Variants in MTREX observed in about 807,000 individuals in gnomAD.
MTREX encodes Mtr4 exosome RNA helicase.
In MTREX, 76 loss-of-function variants were observed where a neutral mutation model predicts 135.4. The observed-to-expected ratio is 0.56, with a 90% CI of 0.47 to 0.68. The LOEUF (loss-of-function observed/expected upper bound fraction) is 0.68, where lower values mean the gene tolerates loss of function less well. Among genes scored for constraint, MTREX ranks in the 30% least tolerant of loss-of-function variants. MTREX has a pLI of 0.00. For missense variants in MTREX, 920 were observed against 1,262.1 expected (o/e 0.73, Z 4.11); for synonymous variants, 404 against 401.6 (o/e 1.01, Z -0.07).
chr5:55,350,630 A>G (rs552070145), intron 12 of MTREX, among the ~76,000 whole-genome samples: 115 of 152,330 alleles, frequency 7.5e-4, no homozygotes, highest in Admixed American at 2.6e-4. Context: ...CTCTGCCCCT[A>G]TAATGTGTAA....
intron 1 of MTREX, among the ~76,000 whole-genome samples, chr5:55,313,586 G>A (rs1041028724): frequency 6.6e-6 from 1 of 152,020 alleles, no homozygotes; most frequent in African/African-American, 2.4e-5. Context: ...AATATATTGT[G>A]GTAACAGTGA....
In MTREX at chr5:55,397,477, A is replaced by G; in HGVS notation, c.2243A>G (p.Lys748Arg). ...AGCAGTGTTAGGCTTTACATTCCTAAAGACCTTCGGCCGGTGGACAATAGA... is the reference window on the plus strand; with the variant it reads ...AGCAGTGTTAGGCTTTACATTCCTAGAGACCTTCGGCCGGTGGACAATAGA... ...AISSVRLYIPKDLRPVDNRQS... is the reference protein window; with the variant it reads ...AISSVRLYIPRDLRPVDNRQS... Residue 748 changes from lysine to arginine, a missense_variant, in exon 20 of 27, where the codon AAA becomes AGA. By Grantham distance (26) the Lys-to-Arg change is conservative. Around this residue, in one of 6 missense-constraint regions of MTREX, gnomAD observed 467 missense variants for 589.7 expected, o/e 0.79. Coordinates refer to ENST00000230640, the MANE Select transcript of MTREX (RefSeq NM_015360.5). 1 of 1,610,962 alleles carries G rather than the reference A, an allele frequency of 6.2e-7. No homozygotes were observed. Among genetic ancestry groups the G allele is most frequent in the Non-Finnish European group, 8.5e-7 (1 of 1,177,760 alleles).
intron 14 of MTREX, among the ~76,000 whole-genome samples, chr5:55,357,732 A>T (rs937854236): frequency 7.2e-5 from 11 of 152,274 alleles, no homozygotes; most frequent in African/African-American, 2.6e-4. Context: ...CAGTTTTTTT[A>T]AAAGAATCTG....
At chr5:55,387,376 T>G (rs1750496119) in intron 18 of MTREX, among the ~76,000 whole-genome samples, 1 of 152,118 alleles carries the variant, frequency 6.6e-6, no homozygotes, top group African/African-American at 2.4e-5. Context: ...TTTCCTTTTG[T>G]ATATTTTATG....
At chr5:55,378,633 A>C in intron 17 of MTREX, 147 bp downstream of exon 17, 1 of 985,700 alleles carries the variant, frequency 1.0e-6, no homozygotes. Flanking sequence ...TACCTGTTTC[A>C]CATGGCACTA....
At chr5:55,326,513 A>G (rs1270950632) in intron 3 of MTREX, among the ~76,000 whole-genome samples, 2 of 152,076 alleles carry the variant, frequency 1.3e-5, no homozygotes, top group Non-Finnish European at 1.5e-5. Context: ...ACTTCTTCCC[A>G]CTTTCTCAGC....
At chr5:55,366,194 A>G (rs1378640267) in intron 15 of MTREX, among the ~76,000 whole-genome samples, 1 of 152,190 alleles carries the variant, frequency 6.6e-6, no homozygotes, top group Non-Finnish European at 1.5e-5. Flanking sequence ...TAGGAAGACA[A>G]AAAGGAATTA....
intron 3 of MTREX, chr5:55,324,568 C>T (rs1749342644): frequency 6.6e-6 from 1 of 151,806 alleles, no homozygotes; most frequent in South Asian, 2.1e-4. Context: ...CTGCCTCAGC[C>T]TCCTGGGTAG....
intron 25 of MTREX, among the ~76,000 whole-genome samples, chr5:55,419,572 A>C (rs1010282162): frequency 2.6e-5 from 4 of 152,240 alleles, no homozygotes; most frequent in Admixed American, 6.5e-5. Context: ...CAGTTTAAAC[A>C]AACTATTTGT....
intron 16 of MTREX, among the ~76,000 whole-genome samples, chr5:55,368,802 T>C (rs896451886): frequency 9.5e-5 from 14 of 147,384 alleles, no homozygotes; most frequent in Middle Eastern, 3.5e-3. Flanking sequence ...ACCTCTCTAA[T>C]TGAAAAAAAA....
At chr5:55,392,993 G>C (rs985984895) in intron 19 of MTREX, among the ~76,000 whole-genome samples, 1 of 152,198 alleles carries the variant, frequency 6.6e-6, no homozygotes, top group Admixed American at 6.5e-5. Flanking sequence ...GGAGTCTTCC[G>C]GGGAACCACC....
chr5:55,348,710 G>C (rs544820419), intron 11 of MTREX, among the ~76,000 whole-genome samples: 1 of 152,138 alleles, frequency 6.6e-6, no homozygotes, highest in South Asian at 2.1e-4. Flanking sequence ...AGACTGAATT[G>C]TTCTGCCCAT....
At chr5:55,313,532 C>T (rs1749150182) in intron 1 of MTREX, among the ~76,000 whole-genome samples, 1 of 152,080 alleles carries the variant, frequency 6.6e-6, no homozygotes, top group Non-Finnish European at 1.5e-5. Flanking sequence ...AATAATTTTG[C>T]AATTAATAAG....
At chr5:55,403,225 A>C (rs959734815) in intron 21 of MTREX, among the ~76,000 whole-genome samples, 2 of 152,078 alleles carry the variant, frequency 1.3e-5, no homozygotes. Flanking sequence ...AAAACAAAAA[A>C]AAAGTGTACA....
chr5:55,362,812 T>A (rs980983101), intron 15 of MTREX, among the ~76,000 whole-genome samples: 5 of 152,354 alleles, frequency 3.3e-5, no homozygotes, highest in African/African-American at 1.2e-4. Context: ...GAATGCATCT[T>A]TTATTTGTTA....
At chr5:55,405,015 A>G (rs986485436) in intron 21 of MTREX, among the ~76,000 whole-genome samples, 1 of 151,754 alleles carries the variant, frequency 6.6e-6, no homozygotes, top group Non-Finnish European at 1.5e-5. Flanking sequence ...GAGTTTCACC[A>G]TGTTGGCCAG....
At chr5:55,327,800 G>A in intron 4 of MTREX, 22 bp downstream of exon 4, 2 of 1,534,570 alleles carry the variant, frequency 1.3e-6, no homozygotes. Context: ...GGGTAATACA[G>A]TTTATATAGT....
chr5:55,318,956 G>C (rs71622172), intron 1 of MTREX, among the ~76,000 whole-genome samples: 7,191 of 151,898 alleles, frequency 0.047, 298 homozygotes, highest in Admixed American at 0.12. Flanking sequence ...TATAAGAATG[G>C]CACCAAAATT....
intron 18 of MTREX, among the ~76,000 whole-genome samples, chr5:55,379,933 T>C (rs1394634488): frequency 6.6e-6 from 1 of 152,166 alleles, no homozygotes; most frequent in African/African-American, 2.4e-5. Flanking sequence ...ATTTTTTGTT[T>C]ATTTTTTTTC....
Sources: allele counts gnomAD v4.1 joint callset (sites outside exome capture counted in the v4.1 genomes callset), GRCh38; gene constraint gnomAD v4.1.1; regional missense constraint gnomAD v4.1.1; transcripts MANE v1.5; gene names NCBI Gene and HGNC (gene_info 2026-07-23, HGNC 2026-07-21).